Variants in SMOC1 observed in about 807,000 individuals in gnomAD.
SMOC1 encodes SPARC-related modular calcium-binding protein 1.
A neutral mutation model predicts 56.3 loss-of-function variants in SMOC1; 22 were observed. That is an observed-to-expected ratio of 0.39 (90% CI 0.28 to 0.56). The LOEUF (loss-of-function observed/expected upper bound fraction) is 0.56, where lower values mean the gene tolerates loss of function less well. Among genes scored for constraint, SMOC1 ranks in the 20% least tolerant of loss-of-function variants. The probability of loss-of-function intolerance (pLI) is 0.61; values close to 1 mark genes in which losing one functional copy is unlikely to be tolerated. For missense variants in SMOC1, 509 were observed against 565.4 expected (o/e 0.90, Z 1.01); for synonymous variants, 193 against 215.0 (o/e 0.90, Z 0.89).
intron 1 of SMOC1, among the ~76,000 whole-genome samples, chr14:69,931,412 C>T (rs931701885): frequency 5.9e-5 from 9 of 152,256 alleles, no homozygotes; most frequent in Non-Finnish European, 1.3e-4. Context: ...AATTCCATGA[C>T]AGGCGGGCAG....
chr14:69,935,519 C>G (rs550645441), intron 1 of SMOC1, among the ~76,000 whole-genome samples: 6 of 152,304 alleles, frequency 3.9e-5, no homozygotes, highest in African/African-American at 4.8e-5. Context: ...CCTGTGGCCT[C>G]CCGAGCCCCT....
chr14:69,919,445 T>A (rs1297578746), intron 1 of SMOC1, among the ~76,000 whole-genome samples: 1 of 152,214 alleles, frequency 6.6e-6, no homozygotes, highest in East Asian at 1.9e-4. Flanking sequence ...TAAAAAATAA[T>A]AGTTATAATT....
chr14:69,880,736 T>C (rs1361315894), intron 1 of SMOC1, among the ~76,000 whole-genome samples: 1 of 152,226 alleles, frequency 6.6e-6, no homozygotes, highest in Non-Finnish European at 1.5e-5. Context: ...TGAGAGTCCA[T>C]GTGAAAGTAG....
rs533243051 is a variant in SMOC1 at position 70,031,000 on chromosome 14, C to T, written c.*742C>T. On this transcript the variant is annotated 3_prime_UTR_variant, in exon 12 of 12. Transcript: ENST00000361956. ...CACAGGTACCGGCTCTCAGAGGGTCCGTGCATTCCTGCTCTCCGGACCCCC... is the reference window on the plus strand; with the variant it reads ...CACAGGTACCGGCTCTCAGAGGGTCTGTGCATTCCTGCTCTCCGGACCCCC... The T allele has an allele frequency of 2.0e-5, 3 of 152,138 alleles. No individual in the cohort carries two copies. Among genetic ancestry groups the T allele is most frequent in the Non-Finnish European group, 2.9e-5 (2 of 68,060 alleles). The allele number at this position is 152,138 out of a possible 1,614,324, so 9.4% of individuals were successfully genotyped here.
chr14:69,940,328 G>A (rs951108292), intron 1 of SMOC1, among the ~76,000 whole-genome samples: 5 of 152,146 alleles, frequency 3.3e-5, no homozygotes, highest in East Asian at 1.9e-4. Flanking sequence ...CCCAGGGTCC[G>A]GTGGCACAGG....
chr14:69,981,869 C>T (rs954831216), intron 5 of SMOC1, among the ~76,000 whole-genome samples: 13 of 152,162 alleles, frequency 8.5e-5, no homozygotes, highest in African/African-American at 3.1e-4. Context: ...TGAGGAGCTT[C>T]CAGGATAACT....
At chr14:69,905,579 G>T (rs1186700811) in intron 1 of SMOC1, among the ~76,000 whole-genome samples, 1 of 152,176 alleles carries the variant, frequency 6.6e-6, no homozygotes, top group Admixed American at 6.5e-5. Flanking sequence ...AAGACTCCAG[G>T]CTGGGAGACC....
chr14:70,020,506 A>T (rs1260527228), intron 10 of SMOC1, among the ~76,000 whole-genome samples: 5 of 152,194 alleles, frequency 3.3e-5, no homozygotes, highest in African/African-American at 1.2e-4. Flanking sequence ...AAGGAAGGCA[A>T]CAGGACCCTC....
chr14:70,000,031 A>G (rs184930491), intron 7 of SMOC1, among the ~76,000 whole-genome samples: 19 of 152,310 alleles, frequency 1.2e-4, no homozygotes, highest in African/African-American at 4.3e-4. Context: ...CTCTGCTGCT[A>G]AGACACTGAA....
intron 7 of SMOC1, among the ~76,000 whole-genome samples, chr14:69,994,774 G>A (rs539283331): frequency 6.6e-6 from 1 of 152,270 alleles, no homozygotes; most frequent in South Asian, 2.1e-4. Flanking sequence ...GAATTTGAAA[G>A]AATGACTGGA....
chr14:70,031,079 T>G lies in SMOC1; in HGVS notation c.*821T>G, dbSNP rs1886134738. ...GTATCTTAGTGACCCTCGGAGCAAA[T>G]TATCCACAAAGGATTTGCATTACGT... On this transcript the variant is annotated 3_prime_UTR_variant, in exon 12 of 12. Coordinates refer to ENST00000361956, the MANE Select transcript of SMOC1 (RefSeq NM_001034852.3). The G allele has an allele frequency of 6.6e-6, 1 of 152,176 alleles. No homozygotes were observed. Among genetic ancestry groups the G allele is most frequent in the Non-Finnish European group, 1.5e-5 (1 of 68,050 alleles). 9.4% of individuals were successfully genotyped at this position (152,176 alleles called of 1,614,324 possible).
At chr14:69,900,425 A>G (rs1050723317) in intron 1 of SMOC1, among the ~76,000 whole-genome samples, 3 of 152,226 alleles carry the variant, frequency 2.0e-5, no homozygotes, top group African/African-American at 4.8e-5. Context: ...ACAAAATACA[A>G]CAGGGAACGA....
intron 2 of SMOC1, among the ~76,000 whole-genome samples, chr14:69,952,938 A>G (rs750836877): frequency 1.3e-5 from 2 of 152,150 alleles, no homozygotes; most frequent in Admixed American, 6.5e-5. Context: ...TCTAATTTAT[A>G]TCTTTTTCCT....
intron 1 of SMOC1, among the ~76,000 whole-genome samples, chr14:69,927,694 GT>G (rs1885047605): frequency 6.6e-6 from 1 of 152,120 alleles, no homozygotes; most frequent in Non-Finnish European, 1.5e-5. Context: ...CAACAAAAAG[GT>G]GGTAGGAGGG....
intron 1 of SMOC1, among the ~76,000 whole-genome samples, chr14:69,919,391 A>ACTCTATTTCC (rs1205639964): frequency 6.6e-6 from 1 of 152,032 alleles, no homozygotes; most frequent in Non-Finnish European, 1.5e-5. Flanking sequence ...GGGGGAAGTT[A>ACTCTATTTCC]CTCTATTTCC....
At chr14:70,003,972 C>T (rs1178060330) in intron 7 of SMOC1, among the ~76,000 whole-genome samples, 2 of 151,338 alleles carry the variant, frequency 1.3e-5, no homozygotes, top group East Asian at 1.9e-4. Context: ...TTTTTGTGTC[C>T]TCTTCCTGGG....
intron 1 of SMOC1, among the ~76,000 whole-genome samples, chr14:69,917,606 G>A (rs767300463): frequency 3.3e-5 from 5 of 152,130 alleles, no homozygotes; most frequent in African/African-American, 7.2e-5. Flanking sequence ...GTGTGCTGGC[G>A]GTCTTCAGCG....
intron 4 of SMOC1, among the ~76,000 whole-genome samples, chr14:69,977,332 A>T (rs999248694): frequency 6.6e-6 from 1 of 152,228 alleles, no homozygotes. Flanking sequence ...TTGGGCAAAC[A>T]TACCTGCTAC....
chr14:69,903,618 C>T (rs1248835530), intron 1 of SMOC1, among the ~76,000 whole-genome samples: 4 of 152,170 alleles, frequency 2.6e-5, no homozygotes, highest in African/African-American at 9.7e-5. Flanking sequence ...ACCCGGTGCT[C>T]TCTGAAACAT....
Sources: allele counts gnomAD v4.1 joint callset (sites outside exome capture counted in the v4.1 genomes callset), GRCh38; gene constraint gnomAD v4.1.1; transcripts MANE v1.5; gene names NCBI Gene and HGNC (gene_info 2026-07-23, HGNC 2026-07-21).